LAT2: variants seen among roughly 807,000 people sequenced by gnomAD.
LAT2 encodes linker for activation of T-cells family member 2.
A neutral mutation model predicts 43.4 loss-of-function variants in LAT2; 23 were observed. That is an observed-to-expected ratio of 0.53 (90% CI 0.38 to 0.75). The LOEUF (loss-of-function observed/expected upper bound fraction) is 0.75, where lower values mean the gene tolerates loss of function less well. Among genes scored for constraint, LAT2 ranks in the 30% least tolerant of loss-of-function variants. LAT2 has a pLI of 0.00. For synonymous variants in LAT2, 128 were observed against 123.2 expected, an observed-to-expected ratio of 1.04 and a Z score of -0.26; for missense variants, 284 against 310.2, an observed-to-expected ratio of 0.92 and a Z score of 0.64.
rs1802032588 is a variant in LAT2, at chr7:74,216,068, A to C, written c.93A>C (p.Pro31=). The change falls in exon 3 of 14, where the codon CCA becomes CCC. Residue 31 remains proline (P), a splice_region_variant and synonymous_variant. Coordinates refer to ENST00000460943, the MANE Select transcript of LAT2 (RefSeq NM_032464.3). ...GTCTGTGTGTGCGCTGCTCACGCCCAGGTAAGCGGGGGTCTCGGGGACGTG... is the reference window on the plus strand; with the variant it reads ...GTCTGTGTGTGCGCTGCTCACGCCCCGGTAAGCGGGGGTCTCGGGGACGTG... The part of the protein sequence containing the change: ...AASLCVRCSR[P]GAKRSEKIYQ... 2 of 1,608,880 alleles carry C rather than the reference A, an allele frequency of 1.2e-6. No individual in the cohort carries two copies. The highest frequency in any genetic ancestry group is 4.5e-5 in the East Asian group (2 of 44,796).
intron 1 of LAT2, among the ~76,000 whole-genome samples, chr7:74,212,573 C>T (rs1321945998): frequency 6.6e-6 from 1 of 152,098 alleles, no homozygotes; most frequent in African/African-American, 2.4e-5. Context: ...TGTACCCAGC[C>T]CGACCTCATT....
intron 13 of LAT2, among the ~76,000 whole-genome samples, chr7:74,227,145 G>A (rs904262339): frequency 3.3e-5 from 5 of 151,020 alleles, no homozygotes; most frequent in African/African-American, 4.9e-5. Context: ...GGGTTCAAGC[G>A]ATGCTCCTGC....
intron 10 of LAT2, 26 bp from the exon 11 acceptor site, chr7:74,223,698 C>G: frequency 1.2e-6 from 2 of 1,610,410 alleles, no homozygotes; most frequent in East Asian, 4.5e-5. Context: ...CCCACACCCC[C>G]GTGCCCACTC....
At position 74,229,474 on chromosome 7, in the gene LAT2, G is replaced by T. The variant is rs1238734593; in HGVS notation, c.*549G>T. On this transcript the variant is annotated 3_prime_UTR_variant, in exon 14 of 14. Coordinates refer to ENST00000460943, the MANE Select transcript of LAT2 (RefSeq NM_032464.3). ...TAGTTTATTTCAGCATCCTTGTTGG[G>T]TGGGGCCCTGGCTCTCTTCCCCTTT... 1.3e-5 allele frequency: 2 copies of T among 152,666 alleles called. No individual in the cohort carries two copies. The highest frequency in any genetic ancestry group is 2.9e-5 in the Non-Finnish European group (2 of 68,050). The allele number at this position is 152,666 out of a possible 1,614,324, so 9.5% of individuals were successfully genotyped here.
chr7:74,228,629 CAA>C (rs1201432512), intron 13 of LAT2, among the ~76,000 whole-genome samples: 17 of 78,028 alleles, frequency 2.2e-4, no homozygotes, highest in Non-Finnish European at 3.0e-4. Flanking sequence ...ACTAAAAATA[CAA>C]AAAAAAAAAA....
intron 4 of LAT2, among the ~76,000 whole-genome samples, chr7:74,217,982 G>C (rs1554714486): frequency 1.3e-5 from 2 of 152,102 alleles, no homozygotes; most frequent in African/African-American, 4.8e-5. Context: ...GTGGCTTTCT[G>C]GCCGCCTGCA....
In LAT2 at chr7:74,221,410, C is replaced by CAAAAAA. The variant is rs782694803; in HGVS notation, c.333-203_333-198dup. Among the ~76,000 whole-genome samples, 68 of 21,080 alleles carry CAAAAAA rather than the reference C, an allele frequency of 3.2e-3. 3 individuals carry two copies. Among genetic ancestry groups the CAAAAAA allele is most frequent in the African/African-American group, 8.0e-3 (61 of 7,640 alleles). 13.8% of individuals were successfully genotyped at this position (21,080 alleles called of 152,430 possible). Reference sequence around the variant, plus strand: ...AGCCTGGGTGACAGAGACTCTGTCTCAAAAAAAAAAAAAAAAAAAAAAAAA... The same window carrying CAAAAAA: ...AGCCTGGGTGACAGAGACTCTGTCTCAAAAAAAAAAAAAAAAAAAAAAAAAAAAAAA... On this transcript the variant is annotated intron_variant, in intron 9 of 13. Transcript: ENST00000460943.
At chr7:74,215,222 G>GTGAT (rs1801993721) in intron 2 of LAT2, 1 of 152,776 alleles carries the variant, frequency 6.5e-6, no homozygotes. Context: ...TCCCTCTGCG[G>GTGAT]ATCATGCTCT....
chr7:74,223,246 G>A (rs1169483799), intron 10 of LAT2, among the ~76,000 whole-genome samples: 1 of 152,210 alleles, frequency 6.6e-6, no homozygotes, highest in Non-Finnish European at 1.5e-5. Flanking sequence ...ACTCACGCCT[G>A]TAATCCCAAC....
rs34339569 is a variant in LAT2, at chr7:74,228,165, TAAAAAAAAAAAAA to T, written c.*19-761_*19-749del. Among the ~76,000 whole-genome samples the T allele has an allele frequency of 4.5e-3, 102 of 22,428 alleles. 2 individuals carry two copies. The highest frequency in any genetic ancestry group is 6.7e-3 in the South Asian group (2 of 300). 14.7% of individuals were successfully genotyped at this position (22,428 alleles called of 152,430 possible). A position where few individuals can be genotyped will look rare whatever the true frequency, so the allele number is the denominator to read the frequency against. Reference sequence around the variant, plus strand: ...CACTCCAGCCTGGGCAACTACGTCTTAAAAAAAAAAAAAAAAAAAAAAAAAAAAAAGCCAGGCG... The same window carrying T: ...CACTCCAGCCTGGGCAACTACGTCTTAAAAAAAAAAAAAAAAAGCCAGGCG... On this transcript the variant is annotated intron_variant, in intron 13 of 13. Coordinates refer to ENST00000460943, the MANE Select transcript of LAT2 (RefSeq NM_032464.3).
intron 4 of LAT2, 60 bp downstream of exon 4, chr7:74,216,924 C>T: frequency 6.9e-7 from 1 of 1,449,264 alleles, no homozygotes. Context: ...TGGACGTCCT[C>T]AAGGGAATTC....
At chr7:74,227,913 C>T (rs935597636) in intron 13 of LAT2, among the ~76,000 whole-genome samples, 31 of 151,682 alleles carry the variant, frequency 2.0e-4, no homozygotes, top group Non-Finnish European at 5.9e-5. Flanking sequence ...CAGTGGCTCA[C>T]GCCTGTAATC....
At chr7:74,214,051 TATATATGAAAAAATATATATAA>T (rs1563966435) in intron 1 of LAT2, among the ~76,000 whole-genome samples, 4 of 134,476 alleles carry the variant, frequency 3.0e-5, no homozygotes, top group African/African-American at 1.1e-4. Flanking sequence ...TATATATATA[TATATATGAAAAAATATATATAA>T]ATATATATAT....
chr7:74,214,335 TATATATATATGAAAATATATATATAA>T (rs1563967250), intron 1 of LAT2, among the ~76,000 whole-genome samples: 69 of 39,992 alleles, frequency 1.7e-3, no homozygotes, highest in Non-Finnish European at 2.2e-3. Flanking sequence ...TATATATAAA[TATATATATATGAAAATATATATATAA>T]ATATATATAT....
In LAT2 at chr7:74,220,999, G is replaced by A. The variant is rs1167461583; in HGVS notation, c.332+265G>A. Among the ~76,000 whole-genome samples, 3 of 152,168 alleles carry A rather than the reference G, an allele frequency of 2.0e-5. No individual in the cohort carries two copies. The highest frequency in any genetic ancestry group is 4.8e-5 in the African/African-American group (2 of 41,442). On this transcript the variant is annotated intron_variant, in intron 9 of 13. Coordinates refer to ENST00000460943, the MANE Select transcript of LAT2 (RefSeq NM_032464.3). The surrounding 1 kb of genome is among the most constrained non-coding windows in gnomAD (Gnocchi z 4.5). Reference sequence around the variant, plus strand: ...CTCTGGGACACAGAGTGTCAGGGGCGGGGGATAGAGACTCATTCAGCATCA... The same window carrying A: ...CTCTGGGACACAGAGTGTCAGGGGCAGGGGATAGAGACTCATTCAGCATCA...
Position 74,229,143 on chromosome 7 carries a change from G to A in LAT2, c.*218G>A, listed in dbSNP as rs1417004957. On this transcript the variant is annotated 3_prime_UTR_variant, in exon 14 of 14. Coordinates refer to ENST00000460943, the MANE Select transcript of LAT2 (RefSeq NM_032464.3). ...ACGGGAGCTGCAGGCCCGTCACCAAGCCCTCTCCCGACCCAGGCTTTGTGG... is the reference window on the plus strand; with the variant it reads ...ACGGGAGCTGCAGGCCCGTCACCAAACCCTCTCCCGACCCAGGCTTTGTGG... 1 of 152,226 alleles carries A rather than the reference G, an allele frequency of 6.6e-6. No individual in the cohort carries two copies. The highest frequency in any genetic ancestry group is 1.5e-5 in the Non-Finnish European group (1 of 68,080). The allele number at this position is 152,226 out of a possible 1,614,324, so 9.4% of individuals were successfully genotyped here. A position where few individuals can be genotyped will look rare whatever the true frequency, so the allele number is the denominator to read the frequency against.
At chr7:74,216,919 GTCC>G (rs782447440) in intron 4 of LAT2, 55 bp downstream of exon 4, 4 of 1,474,954 alleles carry the variant, frequency 2.7e-6, no homozygotes, top group East Asian at 2.3e-5. Flanking sequence ...GGGCATGGAC[GTCC>G]TCAAGGGAAT....
rs41272915 is a variant in LAT2, at chr7:74,224,635, A to G, written c.629-4A>G. The G allele has an allele frequency of 6.6e-3, 10,548 of 1,593,610 alleles. 554 individuals are homozygous for G. In the African/African-American group the frequency reaches 0.11, roughly 17 times the overall value. On this transcript the variant is annotated splice_region_variant and splice_polypyrimidine_tract_variant and intron_variant, in intron 12 of 13. Coordinates refer to ENST00000460943, the MANE Select transcript of LAT2 (RefSeq NM_032464.3). ...CGATGACCTGTCTGCCCGCTGGTCC[A>G]CAGGGCAACTCCAGAGAGAAGCATC... is the stretch of plus-strand genomic sequence containing the variant.
chr7:74,214,327 TATATAA>T (rs1801889813), intron 1 of LAT2, among the ~76,000 whole-genome samples: 2 of 68,768 alleles, frequency 2.9e-5, no homozygotes, highest in East Asian at 5.1e-4. Flanking sequence ...TGAAAATATA[TATATAA>T]ATATATATAT....
Sources: gnomAD v4.1 joint callset for allele counts (sites outside exome capture counted in the v4.1 genomes callset) on GRCh38, gnomAD v4.1.1 for gene constraint, Gnocchi (gnomAD v3.1) non-coding constraint, MANE v1.5 for transcripts, NCBI Gene and HGNC (gene_info 2026-07-23, HGNC 2026-07-21) for gene names.